The following ADCY1 variants were observed in gnomAD, a reference collection of about 807,000 sequenced individuals.
ADCY1 encodes adenylate cyclase 1.
A neutral mutation model predicts 105.4 loss-of-function variants in ADCY1; 28 were observed. The observed-to-expected ratio is 0.27, with a 90% confidence interval of 0.20 to 0.36. The LOEUF is 0.36. Ranked by LOEUF, ADCY1 falls within the 10% of genes least tolerant of loss-of-function variation. The pLI is 1.00. For synonymous variants in ADCY1, 655 were observed against 623.8 expected, an observed-to-expected ratio of 1.05 and a Z score of -0.75; for missense variants, 977 against 1,434.2, an observed-to-expected ratio of 0.68 and a Z score of 5.15.
chr7:45,580,538 TCA>T, intron 1 of ADCY1, among the ~76,000 whole-genome samples: 1 of 152,170 alleles, frequency 6.6e-6, no homozygotes, highest in East Asian at 1.9e-4. Flanking sequence ...GGTCAATAAC[TCA>T]CACTGTAGTC....
At chr7:45,611,637 G>GTTT (rs35339777) in intron 3 of ADCY1, among the ~76,000 whole-genome samples, 40 of 140,874 alleles carry the variant, frequency 2.8e-4, no homozygotes, top group African/African-American at 7.9e-4. Flanking sequence ...AGGTTTGCTT[G>GTTT]TTTTTTTTTT....
chr7:45,684,074 A>C, intron 11 of ADCY1, among the ~76,000 whole-genome samples: 1 of 152,256 alleles, frequency 6.6e-6, no homozygotes. Context: ...CACGGTCAGT[A>C]AAGTGTTTGA....
chr7:45,683,560 G>A (rs919946249), intron 11 of ADCY1, among the ~76,000 whole-genome samples: 6 of 152,132 alleles, frequency 3.9e-5, no homozygotes, highest in Non-Finnish European at 7.3e-5. Context: ...GAGAAGGCAG[G>A]GTAGCAGGAC....
At chr7:45,682,070 C>T (rs1052512958) in intron 11 of ADCY1, among the ~76,000 whole-genome samples, 6 of 152,144 alleles carry the variant, frequency 3.9e-5, no homozygotes, top group African/African-American at 1.2e-4. Flanking sequence ...TGTGAAATGG[C>T]GGTGATGATG....
Position 45,604,531 on chromosome 7 carries a change from T to C in ADCY1, c.790-5848T>C, listed in dbSNP as rs1249263020. 3.9e-5 allele frequency among the ~76,000 whole-genome samples: 6 copies of C among 152,206 alleles called. No individual in the cohort carries two copies. In the East Asian group the frequency reaches 1.2e-3, roughly 29 times the overall value. ...GGTATGAGGTTTAGGTTAAGATTCATTTTTTTGTCTATGAATGTCAAGTTG... is the reference window on the plus strand; with the variant it reads ...GGTATGAGGTTTAGGTTAAGATTCACTTTTTTGTCTATGAATGTCAAGTTG... On this transcript the variant is annotated intron_variant, in intron 2 of 19. Transcript: ENST00000297323.
At chr7:45,610,289 G>T in intron 2 of ADCY1, 90 bp from the exon 3 acceptor site, 2 of 1,185,100 alleles carry the variant, frequency 1.7e-6, no homozygotes, top group Non-Finnish European at 2.4e-6. Context: ...CAGGCTCAGG[G>T]GCCCGGCGCC....
chr7:45,664,371 C>T (rs1291177929), intron 8 of ADCY1: 7 of 1,535,972 alleles, frequency 4.6e-6, no homozygotes, highest in African/African-American at 2.7e-5. Context: ...CGACTGTGCA[C>T]GTAGCTTCAG....
chr7:45,653,490 A>C (rs891172748), intron 5 of ADCY1, among the ~76,000 whole-genome samples: 1 of 152,226 alleles, frequency 6.6e-6, no homozygotes, highest in Non-Finnish European at 1.5e-5. Flanking sequence ...CCCTGTGTCA[A>C]TCTGAGACCT....
At chr7:45,632,594 C>T (rs1193148651) in intron 4 of ADCY1, among the ~76,000 whole-genome samples, 2 of 151,606 alleles carry the variant, frequency 1.3e-5, no homozygotes, top group East Asian at 3.9e-4. Flanking sequence ...CACAGAGTCT[C>T]TTTCTGTTAC....
chr7:45,611,214 G>A (rs948869256), intron 3 of ADCY1, among the ~76,000 whole-genome samples: 5 of 151,692 alleles, frequency 3.3e-5, no homozygotes, highest in African/African-American at 9.7e-5. Context: ...GTGGACAAAG[G>A]GTCTCAGTTG....
chr7:45,711,097 C>T, intron 19 of ADCY1, among the ~76,000 whole-genome samples: 1 of 152,218 alleles, frequency 6.6e-6, no homozygotes, highest in East Asian at 1.9e-4. Context: ...GGCTGACACC[C>T]TCTAAAAGCC....
At chr7:45,622,803 A>G (rs1354063210) in intron 4 of ADCY1, 60 bp downstream of exon 4, 8 of 1,340,222 alleles carry the variant, frequency 6.0e-6, no homozygotes, top group Non-Finnish European at 7.3e-6. Flanking sequence ...AGTGACGATA[A>G]GCCAGGTGGA....
At chr7:45,613,448 G>C (rs1793646185) in intron 3 of ADCY1, among the ~76,000 whole-genome samples, 1 of 152,190 alleles carries the variant, frequency 6.6e-6, no homozygotes, top group Non-Finnish European at 1.5e-5. Context: ...TGAGAAAATT[G>C]TGGGAAATCA....
intron 14 of ADCY1, among the ~76,000 whole-genome samples, chr7:45,699,969 G>GC (rs756699048): frequency 1.3e-5 from 2 of 152,162 alleles, no homozygotes; most frequent in East Asian, 1.9e-4. Context: ...CCAGCCAGAA[G>GC]CCCCCCTTGG....
intron 2 of ADCY1, among the ~76,000 whole-genome samples, chr7:45,594,964 G>T (rs890300305): frequency 6.6e-6 from 1 of 152,028 alleles, no homozygotes; most frequent in Non-Finnish European, 1.5e-5. Context: ...ATAGCTACTG[G>T]TGTGATAAGT....
chr7:45,576,923 T>C (rs950057955), intron 1 of ADCY1, among the ~76,000 whole-genome samples: 5 of 152,188 alleles, frequency 3.3e-5, no homozygotes, highest in Non-Finnish European at 7.4e-5. Flanking sequence ...ATTGTCTTTC[T>C]CTTTTAAAAT....
rs574667453 is a variant in ADCY1, at chr7:45,593,177, C to T, written c.789+269C>T. 2.6e-5 allele frequency among the ~76,000 whole-genome samples: 4 copies of T among 152,308 alleles called. No individual in the cohort carries two copies. In the East Asian group the frequency reaches 5.8e-4, roughly 22 times the overall value. ...TGGGCGCACGGACTTCCGGTTGCAG[C>T]TGGAATAGGTCAGCTGCCCAGGGAG... On this transcript the variant is annotated intron_variant, in intron 2 of 19. Coordinates refer to ENST00000297323, the MANE Select transcript of ADCY1 (RefSeq NM_021116.4).
At position 45,714,944 on chromosome 7, in the gene ADCY1, A is replaced by G. The variant is rs906680830; in HGVS notation, c.*949A>G. The stretch of plus-strand genomic sequence containing the variant: ...GTGTGAGGCTCCACTTCTGTTGAAT[A>G]TGAGCGGCTGTCACACCCATGAGCA... On this transcript the variant is annotated 3_prime_UTR_variant, in exon 20 of 20. Coordinates refer to ENST00000297323, the MANE Select transcript of ADCY1 (RefSeq NM_021116.4). 6.6e-6 allele frequency: 1 copy of G among 152,248 alleles called. No individual in the cohort carries two copies. Among genetic ancestry groups the G allele is most frequent in the East Asian group, 1.9e-4 (1 of 5,204 alleles). 9.4% of individuals were successfully genotyped at this position (152,248 alleles called of 1,614,324 possible). A position where few individuals can be genotyped will look rare whatever the true frequency, so the allele number is the denominator to read the frequency against.
At chr7:45,619,734 GA>G (rs541866829) in intron 3 of ADCY1, among the ~76,000 whole-genome samples, 135 of 152,240 alleles carry the variant, frequency 8.9e-4, no homozygotes, top group Non-Finnish European at 6.8e-4. Context: ...GGAGGCAGAG[GA>G]AAATGGGGTG....
Sources: allele counts gnomAD v4.1 joint callset (sites outside exome capture counted in the v4.1 genomes callset), GRCh38; gene constraint gnomAD v4.1.1; transcripts MANE v1.5; gene names NCBI Gene and HGNC (gene_info 2026-07-23, HGNC 2026-07-21).